Variants in FLNB observed in about 807,000 individuals in gnomAD.
The protein encoded by FLNB is filamin B, also known as filamin-B.
A neutral mutation model predicts 250.6 loss-of-function variants in FLNB; 111 were observed. The ratio of observed to expected loss-of-function variants is 0.44; its 90% CI spans 0.38 to 0.52. The LOEUF (loss-of-function observed/expected upper bound fraction) is 0.52, where lower values mean the gene tolerates loss of function less well. Ranked by LOEUF, FLNB falls within the 20% of genes least tolerant of loss-of-function variation. The probability of loss-of-function intolerance (pLI) is 0.00; values close to 1 mark genes in which losing one functional copy is unlikely to be tolerated. For synonymous variants in FLNB, 1,302 were observed against 1,372.1 expected (o/e 0.95, Z 1.13); for missense variants, 2,869 against 3,447.8 (o/e 0.83, Z 4.20).
chr3:58,129,411 G>C (rs3772992), intron 24 of FLNB, among the ~76,000 whole-genome samples: 58,732 of 152,052 alleles, frequency 0.39, 13,631 homozygotes, highest in East Asian at 0.91. Flanking sequence ...GCTGAGCTCA[G>C]ACAACTTCTA....
chr3:58,116,331 A>G (rs1033589667), intron 18 of FLNB, among the ~76,000 whole-genome samples: 10 of 152,222 alleles, frequency 6.6e-5, no homozygotes, highest in African/African-American at 1.9e-4. Context: ...GTTTTAGGGT[A>G]TAACAGGCTG....
intron 31 of FLNB, 137 bp from the exon 32 acceptor site, chr3:58,143,336 G>A (rs1268903069): frequency 6.9e-6 from 6 of 874,422 alleles, no homozygotes; most frequent in Non-Finnish European, 9.3e-6. Context: ...CCCATTGTGG[G>A]ACTTGAATGT....
In FLNB at chr3:58,170,915, A is replaced by G; in HGVS notation, c.*153A>G. 1.4e-6 allele frequency: 1 copy of G among 696,548 alleles called. No individual in the cohort carries two copies. Among genetic ancestry groups the G allele is most frequent in the Non-Finnish European group, 2.5e-6 (1 of 404,900 alleles). 43.1% of individuals were successfully genotyped at this position (696,548 alleles called of 1,614,324 possible). On this transcript the variant is annotated 3_prime_UTR_variant, in exon 46 of 46. Coordinates refer to ENST00000295956, the MANE Select transcript of FLNB (RefSeq NM_001457.4). ...TAAAATGCCTTCAGAAATAAGTCCT[A>G]GACTGGACTCTTGAGGGACATATTG...
intron 1 of FLNB, among the ~76,000 whole-genome samples, chr3:58,071,861 A>G (rs1374182483): frequency 6.6e-6 from 1 of 152,212 alleles, no homozygotes; most frequent in African/African-American, 2.4e-5. Context: ...TGATGTGAGT[A>G]GAGAGGTAAA....
intron 6 of FLNB, among the ~76,000 whole-genome samples, chr3:58,097,493 G>T (rs1409862921): frequency 1.3e-5 from 2 of 152,146 alleles, no homozygotes; most frequent in Non-Finnish European, 2.9e-5. Flanking sequence ...GAGGGATAGT[G>T]GCCCATTCAG....
intron 1 of FLNB, among the ~76,000 whole-genome samples, chr3:58,035,779 G>A (rs747702301): frequency 6.6e-6 from 1 of 152,196 alleles, no homozygotes. Flanking sequence ...AATGCCTCTT[G>A]ATCACGGCCT....
chr3:58,050,243 C>T (rs988151661), intron 1 of FLNB, among the ~76,000 whole-genome samples: 5 of 151,888 alleles, frequency 3.3e-5, no homozygotes, highest in South Asian at 2.1e-4. Flanking sequence ...TTGGCCAGGA[C>T]GGTCTTGAGC....
chr3:58,049,931 C>T (rs180959505), intron 1 of FLNB, among the ~76,000 whole-genome samples: 277 of 152,298 alleles, frequency 1.8e-3, no homozygotes, highest in Middle Eastern at 3.4e-3. Context: ...TGTGGGAGGA[C>T]CCCGTGGATG....
intron 42 of FLNB, among the ~76,000 whole-genome samples, chr3:58,161,007 G>C (rs1559739472): frequency 6.6e-6 from 1 of 152,124 alleles, no homozygotes; most frequent in South Asian, 2.1e-4. Context: ...AGGAATGTAG[G>C]CTCTGTGTGA....
At position 58,103,961 on chromosome 3, in the gene FLNB, G is replaced by T. The variant is rs747825411; in HGVS notation, c.1486G>T (p.Gly496Cys). 32 of 1,613,940 alleles carry T rather than the reference G, an allele frequency of 2.0e-5. No homozygotes were observed. Among genetic ancestry groups the T allele is most frequent in the Non-Finnish European group, 2.6e-5 (31 of 1,179,992 alleles). The change falls in exon 10 of 46, where the codon GGT (glycine) becomes TGT (cysteine). Residue 496 changes from glycine (G) to cysteine (C), a missense_variant and splice_region_variant. Gly to Cys is a radical substitution (Grantham distance 159, BLOSUM62 -3). This residue lies in a region of FLNB where 1,348 missense variants were observed against 1,466.7 expected (regional missense o/e 0.92). Transcript: ENST00000295956. ...GATTATCTCCTTCCTTCCCACAGAG[G>T]GTCTGGAGGAGCTGGTGAAGCAGAA... Reference protein sequence around the residue: ...ELGVTMKGPKGLEELVKQKDF... With the variant: ...ELGVTMKGPKCLEELVKQKDF...
chr3:58,158,741 A>G (rs756257315), intron 41 of FLNB, among the ~76,000 whole-genome samples: 6 of 152,182 alleles, frequency 3.9e-5, no homozygotes, highest in Non-Finnish European at 7.3e-5. Context: ...GATAGTTTCC[A>G]AGACAAAGTA....
At chr3:58,080,602 C>T (rs2097207788) in intron 3 of FLNB, among the ~76,000 whole-genome samples, 1 of 149,776 alleles carries the variant, frequency 6.7e-6, no homozygotes, top group African/African-American at 2.5e-5. Context: ...ACAAGCGATT[C>T]TCCTGTCTCA....
At chr3:58,163,050 A>AT in intron 42 of FLNB, 104 bp from the exon 43 acceptor site, 1 of 1,181,730 alleles carries the variant, frequency 8.5e-7, no homozygotes, top group Non-Finnish European at 1.3e-6. Flanking sequence ...AGAACTGTTG[A>AT]TTTTAAATGG....
chr3:58,061,269 T>C (rs1040222414), intron 1 of FLNB, among the ~76,000 whole-genome samples: 17 of 152,232 alleles, frequency 1.1e-4, no homozygotes, highest in African/African-American at 4.1e-4. Context: ...GTACTCAAAT[T>C]TGAACCTGTC....
At chr3:58,109,750 A>C in intron 15 of FLNB, 51 bp downstream of exon 15, 1 of 1,612,938 alleles carries the variant, frequency 6.2e-7, no homozygotes, top group Non-Finnish European at 8.5e-7. Context: ...TGGGGAAGGC[A>C]GTTCTTTTCA....
chr3:58,032,238 G>C (rs1199018826), intron 1 of FLNB, among the ~76,000 whole-genome samples: 1 of 152,066 alleles, frequency 6.6e-6, no homozygotes, highest in East Asian at 1.9e-4. Context: ...CGGCCTGTTT[G>C]TTTGTTTTAA....
rs765032304 is a variant in FLNB at position 58,142,768 on chromosome 3, A to G, written c.5284+16A>G. On this transcript the variant is annotated intron_variant, in intron 31 of 45. Coordinates refer to ENST00000295956, the MANE Select transcript of FLNB (RefSeq NM_001457.4). This position sits in a 1 kb window ranked among gnomAD's most constrained non-coding sequence, Gnocchi z 4.3. The stretch of plus-strand genomic sequence containing the variant: ...GAAATCACTGGTAAGCACTTGCCAT[A>G]AAGGCCGTCTCATTCTCACTTGCTC... The G allele has an allele frequency of 6.2e-7, 1 of 1,604,148 alleles. No individual in the cohort carries two copies. Among genetic ancestry groups the G allele is most frequent in the South Asian group, 1.1e-5 (1 of 90,902 alleles).
Position 58,170,993 on chromosome 3 carries a change from C to T in FLNB, c.*231C>T, listed in dbSNP as rs2097381673. 3.8e-6 allele frequency: 2 copies of T among 526,920 alleles called. No homozygotes were observed. The highest frequency in any genetic ancestry group is 3.4e-6 in the Non-Finnish European group (1 of 292,106). 32.6% of individuals were successfully genotyped at this position (526,920 alleles called of 1,614,324 possible). ...CAGGGGGCTGAGAAGATCCTGAGTA[C>T]ACTAGGTGCAAACCAGAACTCTTGG... On this transcript the variant is annotated 3_prime_UTR_variant, in exon 46 of 46. Transcript: ENST00000295956.
At position 58,008,496 on chromosome 3, in the gene FLNB, T is replaced by G; in HGVS notation, c.-69T>G. On this transcript the variant is annotated 5_prime_UTR_variant, in exon 1 of 46. Transcript: ENST00000295956. Reference sequence around the variant, plus strand: ...CCGCTCCGCTTCGGTTCTCGCTCCTTCGGCCCTTGGGCCTCCAAACACCAG... The same window carrying G: ...CCGCTCCGCTTCGGTTCTCGCTCCTGCGGCCCTTGGGCCTCCAAACACCAG... The G allele has an allele frequency of 6.6e-7, 1 of 1,523,582 alleles. No individual in the cohort carries two copies. Among genetic ancestry groups the G allele is most frequent in the Non-Finnish European group, 8.9e-7 (1 of 1,123,344 alleles). The allele number at this position is 1,523,582 out of a possible 1,614,324, so 94.4% of individuals were successfully genotyped here.
Sources: gnomAD v4.1 joint callset for allele counts (sites outside exome capture counted in the v4.1 genomes callset) on GRCh38, gnomAD v4.1.1 for gene constraint, gnomAD v4.1.1 regional missense constraint, Gnocchi (gnomAD v3.1) non-coding constraint, MANE v1.5 for transcripts, NCBI Gene and HGNC (gene_info 2026-07-23, HGNC 2026-07-21) for gene names.